The following GARNL3 variants were observed in gnomAD, a reference collection of about 807,000 sequenced individuals.
GARNL3 encodes the protein GTPase-activating Rap/Ran-GAP domain-like protein 3.
In GARNL3, 63 loss-of-function variants were observed where a neutral mutation model predicts 125.0. The observed-to-expected ratio is 0.50, with a 90% CI of 0.41 to 0.62. GARNL3 has a LOEUF of 0.62. GARNL3 is among the 20% of genes least tolerant of loss of function. GARNL3 has a pLI of 0.00. For synonymous variants in GARNL3, 439 were observed against 457.5 expected (o/e 0.96, Z 0.52); for missense variants, 994 against 1,244.0 (o/e 0.80, Z 3.02).
chr9:127,360,120 A>G lies in GARNL3; in HGVS notation c.2094+2743A>G, dbSNP rs549172620. Among the ~76,000 whole-genome samples the G allele has an allele frequency of 1.1e-4, 17 of 152,238 alleles. No homozygotes were observed. In the East Asian group the frequency reaches 3.1e-3, roughly 28 times the overall value. The stretch of plus-strand genomic sequence containing the variant: ...ACTGCAACCTCTGACTCCCTGGTTC[A>G]TGCGATTCTCCTGCCTCAGCCTCCT... On this transcript the variant is annotated intron_variant, in intron 21 of 27. Transcript: ENST00000373387.
intron 14 of GARNL3, 133 bp downstream of exon 14, chr9:127,342,467 G>A: frequency 1.6e-6 from 1 of 626,258 alleles, no homozygotes; most frequent in Non-Finnish European, 2.9e-6. Context: ...GGACTGTGCT[G>A]TGGCCACCAT....
intron 2 of GARNL3, among the ~76,000 whole-genome samples, chr9:127,247,293 G>T (rs1317662716): frequency 6.6e-6 from 1 of 152,160 alleles, no homozygotes; most frequent in Non-Finnish European, 1.5e-5. Context: ...CTTGTTGGTT[G>T]TAAGTGACAG....
intron 1 of GARNL3, among the ~76,000 whole-genome samples, chr9:127,272,132 T>C (rs537138763): frequency 6.7e-6 from 1 of 150,160 alleles, no homozygotes; most frequent in Non-Finnish European, 1.5e-5. Flanking sequence ...TCTTGATATG[T>C]AGTAATTTGT....
intron 12 of GARNL3, among the ~76,000 whole-genome samples, 167 bp downstream of exon 12, chr9:127,338,328 C>T (rs184738401): frequency 3.3e-5 from 5 of 152,330 alleles, no homozygotes; most frequent in Admixed American, 6.5e-5. Flanking sequence ...GAAACATTTA[C>T]TCCATCCAGT....
chr9:127,262,553 A>G, upstream of GARNL3, among the ~76,000 whole-genome samples: 1 of 152,224 alleles, frequency 6.6e-6, no homozygotes, highest in East Asian at 1.9e-4. Flanking sequence ...GGGCTAGGAA[A>G]GGTAGTCCAA....
rs772949385 is a variant in GARNL3, at chr9:127,271,484, C to G, written c.144+6463C>G. Among the ~76,000 whole-genome samples the G allele has an allele frequency of 5.3e-5, 8 of 150,460 alleles. No individual in the cohort carries two copies. The South Asian group carries it at 1.7e-3, about 31-fold the overall frequency. On this transcript the variant is annotated intron_variant, in intron 1 of 27. Coordinates refer to ENST00000373387, the MANE Select transcript of GARNL3 (RefSeq NM_032293.5). Reference sequence around the variant, plus strand: ...CCCCCTCAACCAATATACTTAGGCTCATTAGCTGGCAGTGCATTTCATCAA... The same window carrying G: ...CCCCCTCAACCAATATACTTAGGCTGATTAGCTGGCAGTGCATTTCATCAA...
intron 22 of GARNL3, among the ~76,000 whole-genome samples, chr9:127,365,568 A>G (rs560166107): frequency 9.9e-5 from 15 of 152,274 alleles, no homozygotes; most frequent in African/African-American, 3.6e-4. Flanking sequence ...CAGTGCAAGA[A>G]CTGGCACTTG....
intron 20 of GARNL3, chr9:127,356,397 T>G (rs757381171): frequency 3.9e-5 from 6 of 152,212 alleles, no homozygotes; most frequent in Non-Finnish European, 8.8e-5. Context: ...TCAAGTTCCC[T>G]CCCTGACATC....
At chr9:127,320,431 T>C (rs1377664293) in intron 5 of GARNL3, among the ~76,000 whole-genome samples, 1 of 152,252 alleles carries the variant, frequency 6.6e-6, no homozygotes, top group Non-Finnish European at 1.5e-5. Context: ...ATTACATTCA[T>C]TACTTTTAGT....
intron 23 of GARNL3, among the ~76,000 whole-genome samples, chr9:127,383,995 G>T (rs1037302719): frequency 6.6e-6 from 1 of 152,238 alleles, no homozygotes; most frequent in Non-Finnish European, 1.5e-5. Flanking sequence ...GTCAGGACAT[G>T]AGCGGCGATG....
At chr9:127,225,780 C>T (rs1316500968) in intron 1 of GARNL3, among the ~76,000 whole-genome samples, 1 of 149,894 alleles carries the variant, frequency 6.7e-6, no homozygotes, top group Non-Finnish European at 1.5e-5. Context: ...CCCTGGCAGC[C>T]GCACACCTGC....
intron 2 of GARNL3, among the ~76,000 whole-genome samples, chr9:127,253,862 T>C (rs2063449325): frequency 6.6e-6 from 1 of 152,170 alleles, no homozygotes; most frequent in Admixed American, 6.5e-5. Context: ...GTGTTTCTTA[T>C]CACTGAGAGT....
chr9:127,373,585 T>G (rs1365323734), intron 22 of GARNL3, among the ~76,000 whole-genome samples: 2 of 152,012 alleles, frequency 1.3e-5, no homozygotes, highest in African/African-American at 4.8e-5. Flanking sequence ...AGCAATATAG[T>G]GAGACCCTGG....
At chr9:127,288,566 G>A (rs1431251239) in intron 1 of GARNL3, among the ~76,000 whole-genome samples, 1 of 152,148 alleles carries the variant, frequency 6.6e-6, no homozygotes, top group Non-Finnish European at 1.5e-5. Context: ...AAATGGTAAC[G>A]GTGATAGTCA....
chr9:127,366,835 G>T (rs1018845121), intron 22 of GARNL3: 7 of 152,234 alleles, frequency 4.6e-5, no homozygotes, highest in Non-Finnish European at 1.0e-4. Flanking sequence ...TGTGGTTCCC[G>T]CAGCCTCTGG....
intron 17 of GARNL3, among the ~76,000 whole-genome samples, chr9:127,350,622 A>C (rs1300958801): frequency 2.6e-5 from 4 of 151,942 alleles, no homozygotes; most frequent in African/African-American, 4.8e-5. Flanking sequence ...AAAAAAATAC[A>C]AAAATTAGCC....
intron 1 of GARNL3, among the ~76,000 whole-genome samples, chr9:127,278,048 T>C (rs1461994177): frequency 6.6e-6 from 1 of 152,220 alleles, no homozygotes; most frequent in Admixed American, 6.5e-5. Context: ...TTCTTTTTTC[T>C]TAAATTTTTT....
chr9:127,380,167 T>C (rs912723875), intron 22 of GARNL3, among the ~76,000 whole-genome samples: 2 of 150,746 alleles, frequency 1.3e-5, no homozygotes, highest in African/African-American at 4.9e-5. Context: ...CACTCCAGCC[T>C]GGGTGATAGA....
chr9:127,321,397 C>A (rs993309771), intron 6 of GARNL3, among the ~76,000 whole-genome samples: 1 of 152,166 alleles, frequency 6.6e-6, no homozygotes, highest in Non-Finnish European at 1.5e-5. Flanking sequence ...AGATTACAGG[C>A]GTGAGCCACC....
Sources: allele counts gnomAD v4.1 joint callset (sites outside exome capture counted in the v4.1 genomes callset), GRCh38; gene constraint gnomAD v4.1.1; transcripts MANE v1.5; gene names NCBI Gene and HGNC (gene_info 2026-07-23, HGNC 2026-07-21).